ABCA1: variants seen among roughly 807,000 people sequenced by gnomAD.
ABCA1 encodes ATP binding cassette subfamily A member 1.
In ABCA1, 133 loss-of-function variants were observed where a neutral mutation model predicts 262.5. The ratio of observed to expected loss-of-function variants is 0.51; its 90% confidence interval spans 0.44 to 0.59. The LOEUF is 0.59. ABCA1 is among the 20% of genes least tolerant of loss of function. ABCA1 has a pLI of 0.00. For synonymous variants in ABCA1, 1,022 were observed against 1,043.5 expected (o/e 0.98, Z 0.40); for missense variants, 2,452 against 2,777.5 (o/e 0.88, Z 2.63).
intron 7 of ABCA1, chr9:104,855,661 ATATAT>A: frequency 6.8e-7 from 1 of 1,470,464 alleles, no homozygotes; most frequent in East Asian, 2.5e-5. Context: ...AAAGAGTCAA[ATATAT>A]TATGTGTATG....
At chr9:104,864,623 A>G (rs1836923563) in intron 5 of ABCA1, among the ~76,000 whole-genome samples, 1 of 152,104 alleles carries the variant, frequency 6.6e-6, no homozygotes, top group African/African-American at 2.4e-5. Context: ...GAAACAGAAT[A>G]CACGTATTAG....
rs201966762 is a variant in ABCA1, at chr9:104,898,150, GATT to G, written c.66+5461_66+5463del. On this transcript the variant is annotated intron_variant, in intron 2 of 49. Coordinates refer to ENST00000374736, the MANE Select transcript of ABCA1 (RefSeq NM_005502.4). ...ATAAAATGGTCCATGTATATGTAAT[GATT>G]ACAATTGCTTTCTTGGGCCTTTGTC... 7.9e-3 allele frequency among the ~76,000 whole-genome samples: 1,210 copies of G among 152,292 alleles called. 12 individuals are homozygous for G. The highest frequency in any genetic ancestry group is 0.028 in the African/African-American group (1,147 of 41,554).
intron 14 of ABCA1, among the ~76,000 whole-genome samples, chr9:104,830,663 C>T (rs531104096): frequency 3.3e-5 from 5 of 151,746 alleles, no homozygotes; most frequent in Non-Finnish European, 7.4e-5. Flanking sequence ...GCACTCCAGC[C>T]TGGGCGTCAG....
At position 104,817,509 on chromosome 9, in the gene ABCA1, T is replaced by G. The variant is rs1831879062; in HGVS notation, c.3463-105A>C. The G allele has an allele frequency of 1.6e-6, 2 of 1,269,964 alleles. No homozygotes were observed. The highest frequency in any genetic ancestry group is 2.3e-6 in the Non-Finnish European group (2 of 885,118). The allele number at this position is 1,269,964 out of a possible 1,614,324, so 78.7% of individuals were successfully genotyped here. A position where few individuals can be genotyped will look rare whatever the true frequency, so the allele number is the denominator to read the frequency against. ...CCAAGAAGCTCTGTTGTGTGAGAAC[T>G]AAAGGAAAAAGCTTTCCCTGGGACA... is the stretch of plus-strand genomic sequence containing the variant. On this transcript the variant is annotated intron_variant, in intron 23 of 49. Coordinates refer to ENST00000374736, the MANE Select transcript of ABCA1 (RefSeq NM_005502.4). The surrounding 1 kb of genome is among the most constrained non-coding windows in gnomAD (Gnocchi z 4.7).
intron 1 of ABCA1, among the ~76,000 whole-genome samples, chr9:104,913,896 C>T (rs1171342124): frequency 6.6e-6 from 1 of 152,064 alleles, no homozygotes; most frequent in Non-Finnish European, 1.5e-5. Flanking sequence ...CCCGGCTTCA[C>T]GCCATTCTCC....
intron 1 of ABCA1, among the ~76,000 whole-genome samples, chr9:104,908,795 T>C (rs961100084): frequency 6.6e-6 from 1 of 152,176 alleles, no homozygotes; most frequent in South Asian, 2.1e-4. Flanking sequence ...AAAAACTACA[T>C]ACTGCATGAT....
rs184247752 is a variant in ABCA1 at position 104,883,676 on chromosome 9, T to C, written c.303-519A>G. Among the ~76,000 whole-genome samples, 13 of 147,264 alleles carry C rather than the reference T, an allele frequency of 8.8e-5. No homozygotes were observed. In the East Asian group the frequency reaches 2.0e-3, roughly 23 times the overall value. On this transcript the variant is annotated intron_variant, in intron 4 of 49. Transcript: ENST00000374736. ...AATATTTGTGTATGGAAGGGGCCCA[T>C]GGAGGCTACAAAGCCAGTCTAGGGT...
Position 104,820,024 on chromosome 9 carries a change from C to T in ABCA1, c.3006G>A (p.Gly1002=). ...CCGCCTTCACGTGCTTCTCAGAGAG[C>T]CCTTTCAAGCGGGCATAGAACCAGA... ...EHIWFYARLK[G]LSEKHVKAEM... is the part of the protein sequence containing the mutation. The change falls in exon 21 of 50, where the codon GGG becomes GGA. Residue 1002 remains glycine, a synonymous_variant. Transcript: ENST00000374736. 1.2e-6 allele frequency: 2 copies of T among 1,614,088 alleles called. No individual in the cohort carries two copies. The highest frequency in any genetic ancestry group is 1.1e-5 in the South Asian group (1 of 91,070).
intron 1 of ABCA1, among the ~76,000 whole-genome samples, chr9:104,918,043 G>A (rs1188391320): frequency 1.3e-5 from 2 of 152,040 alleles, no homozygotes; most frequent in Admixed American, 1.3e-4. Flanking sequence ...AACTTGAGTG[G>A]GCTGAAATGC....
At chr9:104,785,237 A>C (rs1828820020) in intron 49 of ABCA1, among the ~76,000 whole-genome samples, 159 bp downstream of exon 49, 1 of 152,200 alleles carries the variant, frequency 6.6e-6, no homozygotes, top group African/African-American at 2.4e-5. Context: ...CTCCCTTTTC[A>C]GGTTCAGAGA....
intron 1 of ABCA1, among the ~76,000 whole-genome samples, chr9:104,926,489 C>CGG (rs1826347441): frequency 6.9e-6 from 1 of 145,032 alleles, no homozygotes; most frequent in African/African-American, 2.5e-5. Flanking sequence ...AAAAACAAAA[C>CGG]GGGCTTTCGC....
intron 7 of ABCA1, among the ~76,000 whole-genome samples, chr9:104,848,474 G>A (rs1588395457): frequency 6.6e-6 from 1 of 152,056 alleles, no homozygotes; most frequent in Non-Finnish European, 1.5e-5. Context: ...AATTAGCCAG[G>A]CATGGTGGCA....
At position 104,832,724 on chromosome 9, in the gene ABCA1, C is replaced by A; in HGVS notation, c.1359G>T (p.Leu453Phe). ...RDNDHFWEQQLDGLDWTAQDI... is the reference protein window; with the variant it reads ...RDNDHFWEQQFDGLDWTAQDI... ...CTTGGGCTGTCCAATCTAAGCCATC[C>A]AACTGCTGTTCCCAAAAGTGGTCAT... Residue 453 changes from leucine (L) to phenylalanine (F), a missense_variant, in exon 12 of 50, where the codon TTG becomes TTT. By Grantham distance (22) the Leu-to-Phe change is conservative. Transcript: ENST00000374736. 6.2e-7 allele frequency: 1 copy of A among 1,614,200 alleles called. No individual in the cohort carries two copies. Among genetic ancestry groups the A allele is most frequent in the Non-Finnish European group, 8.5e-7 (1 of 1,180,042 alleles).
At chr9:104,789,947 T>A (rs1314474251) in intron 44 of ABCA1, among the ~76,000 whole-genome samples, 1 of 151,906 alleles carries the variant, frequency 6.6e-6, no homozygotes, top group Non-Finnish European at 1.5e-5. Context: ...TACAAAAAAA[T>A]TAGGCAGGCA....
At chr9:104,913,529 A>C (rs1234022210) in intron 1 of ABCA1, among the ~76,000 whole-genome samples, 1 of 152,218 alleles carries the variant, frequency 6.6e-6, no homozygotes, top group African/African-American at 2.4e-5. Flanking sequence ...GTGGTTTATT[A>C]AAGGAATCTC....
intron 1 of ABCA1, among the ~76,000 whole-genome samples, chr9:104,924,223 G>C (rs1842301157): frequency 1.3e-5 from 2 of 152,224 alleles, no homozygotes; most frequent in Admixed American, 6.5e-5. Context: ...CAAAACAAGT[G>C]TTCAGAATGA....
At position 104,826,987 on chromosome 9, in the gene ABCA1, T is replaced by G. The variant is rs747275876; in HGVS notation, c.2298A>C (p.Ala766=). 1.2e-6 allele frequency: 2 copies of G among 1,614,196 alleles called. No individual in the cohort carries two copies. Among genetic ancestry groups the G allele is most frequent in the Non-Finnish European group, 1.7e-6 (2 of 1,180,034 alleles). ...GTGTGAAGCCCACGTAGTCCTGCCA[T>G]GCCACACACAGGACGTAGGGCAGGT... The part of the protein sequence containing the change: ...TLYLPYVLCV[A]WQDYVGFTLK... Residue 766 remains alanine, a synonymous_variant, in exon 16 of 50, where the codon GCA becomes GCC. Transcript: ENST00000374736.
At chr9:104,793,122 C>G in intron 41 of ABCA1, 49 bp downstream of exon 41, 1 of 1,612,482 alleles carries the variant, frequency 6.2e-7, no homozygotes, top group Non-Finnish European at 8.5e-7. Context: ...TGTGCGCCTC[C>G]TCTGTGACCC....
At chr9:104,808,344 G>C (rs1024188450) in intron 30 of ABCA1, among the ~76,000 whole-genome samples, 1 of 152,060 alleles carries the variant, frequency 6.6e-6, no homozygotes, top group Non-Finnish European at 1.5e-5. Flanking sequence ...AGTTCATATG[G>C]TTCAGCTGGC....
Sources: gnomAD v4.1 joint callset for allele counts (sites outside exome capture counted in the v4.1 genomes callset) on GRCh38, gnomAD v4.1.1 for gene constraint, Gnocchi (gnomAD v3.1) non-coding constraint, MANE v1.5 for transcripts, NCBI Gene and HGNC (gene_info 2026-07-23, HGNC 2026-07-21) for gene names.